Variants in LUZP2 observed in about 807,000 individuals in gnomAD.
The protein encoded by LUZP2 is leucine zipper protein 2.
In LUZP2, 52 loss-of-function variants were observed where a neutral mutation model predicts 51.6. That is an observed-to-expected ratio of 1.01 (90% CI 0.81 to 1.27). The LOEUF (loss-of-function observed/expected upper bound fraction) is 1.27, where lower values mean the gene tolerates loss of function less well. Among genes scored for constraint, LUZP2 ranks in the 50% most tolerant of loss-of-function variants. LUZP2 has a pLI of 0.00. For synonymous variants in LUZP2, 154 were observed against 137.3 expected (o/e 1.12, Z -0.85); for missense variants, 436 against 395.4 (o/e 1.10, Z -0.87).
chr11:24,765,528 T>C (rs1260852137), intron 5 of LUZP2, among the ~76,000 whole-genome samples: 2 of 152,188 alleles, frequency 1.3e-5, no homozygotes, highest in Non-Finnish European at 2.9e-5. Flanking sequence ...ATGGGTTTTG[T>C]TTTTAATTCT....
In LUZP2 at chr11:24,955,659, G is replaced by A. The variant is rs150296689; in HGVS notation, c.523-20932G>A. Among the ~76,000 whole-genome samples the A allele has an allele frequency of 9.4e-3, 1,434 of 151,980 alleles. 13 individuals carry two copies. The highest frequency in any genetic ancestry group is 0.012 in the Non-Finnish European group (823 of 67,944). On this transcript the variant is annotated intron_variant, in intron 7 of 11. Transcript: ENST00000336930. Reference sequence around the variant, plus strand: ...TCACCTCTCGTTGGCTTGTTCAGGGGGATTTGAACAAAAAACGTGGGTGCA... The same window carrying A: ...TCACCTCTCGTTGGCTTGTTCAGGGAGATTTGAACAAAAAACGTGGGTGCA...
chr11:25,041,703 G>C (rs1448638804), intron 9 of LUZP2, among the ~76,000 whole-genome samples: 1 of 152,106 alleles, frequency 6.6e-6, no homozygotes, highest in Non-Finnish European at 1.5e-5. Flanking sequence ...GGATCAAAGG[G>C]ATTTTTCTAT....
intron 4 of LUZP2, among the ~76,000 whole-genome samples, chr11:24,753,889 A>G (rs1044696101): frequency 1.3e-5 from 2 of 152,146 alleles, no homozygotes; most frequent in Non-Finnish European, 2.9e-5. Flanking sequence ...CTTTTAAAAT[A>G]TTCTGACTTT....
rs573384559 is a variant in LUZP2, at chr11:24,572,806, G to A, written c.62+75501G>A. Among the ~76,000 whole-genome samples, 5 of 152,084 alleles carry A rather than the reference G, an allele frequency of 3.3e-5. No individual in the cohort carries two copies. The South Asian group carries it at 1.0e-3, about 32-fold the overall frequency. The stretch of plus-strand genomic sequence containing the variant: ...CAATAATTTTACTTTATCTAAAGAC[G>A]AAATATTCTGTTTTCTGAAACTTGT... On this transcript the variant is annotated intron_variant, in intron 1 of 11. Coordinates refer to ENST00000336930, the MANE Select transcript of LUZP2 (RefSeq NM_001009909.4).
intron 1 of LUZP2, among the ~76,000 whole-genome samples, chr11:24,656,793 C>T (rs530745236): frequency 5.2e-4 from 79 of 152,140 alleles, no homozygotes; most frequent in Non-Finnish European, 6.2e-4. Flanking sequence ...GCTCCGAGCC[C>T]CTCTGGTCTC....
intron 5 of LUZP2, among the ~76,000 whole-genome samples, chr11:24,806,860 C>A (rs1849868624): frequency 6.6e-6 from 1 of 151,592 alleles, no homozygotes; most frequent in Non-Finnish European, 1.5e-5. Flanking sequence ...TCTCCTTTTA[C>A]CGATTTCTAT....
intron 1 of LUZP2, among the ~76,000 whole-genome samples, chr11:24,591,242 C>T (rs907543638): frequency 5.3e-5 from 8 of 152,132 alleles, no homozygotes; most frequent in Non-Finnish European, 7.4e-5. Context: ...AGGAAGATCA[C>T]ACACCAGTTG....
chr11:24,509,084 T>A (rs1850226608), intron 1 of LUZP2, among the ~76,000 whole-genome samples: 1 of 152,156 alleles, frequency 6.6e-6, no homozygotes, highest in African/African-American at 2.4e-5. Context: ...ACGCGACATG[T>A]GCGATGAGTG....
intron 7 of LUZP2, among the ~76,000 whole-genome samples, chr11:24,920,230 A>T (rs1853996581): frequency 6.6e-6 from 1 of 152,004 alleles, no homozygotes; most frequent in South Asian, 2.1e-4. Flanking sequence ...TTGTTTATTG[A>T]ATAAAAACAA....
intron 7 of LUZP2, among the ~76,000 whole-genome samples, chr11:24,973,249 C>G (rs1409644040): frequency 6.6e-6 from 1 of 150,730 alleles, no homozygotes; most frequent in Non-Finnish European, 1.5e-5. Flanking sequence ...ATAGTATTCT[C>G]TGATTTTTTT....
intron 1 of LUZP2, among the ~76,000 whole-genome samples, chr11:24,515,220 ACTGTGCCTAGCATGTGTGAGG>A (rs1335227982): frequency 6.6e-6 from 1 of 152,148 alleles, no homozygotes; most frequent in Non-Finnish European, 1.5e-5. Context: ...AAAACCGTAT[ACTGTGCCTAGCATGTGTGAGG>A]TAAGAGGAGA....
rs1168966553 is a variant in LUZP2 at position 24,984,547 on chromosome 11, T to TAA, written c.765+1255_765+1256insAA. ...TTTTATATATATATATATATATATA[T>TAA]ATAATTGTGAATTTTAAAAGCCACA... On this transcript the variant is annotated intron_variant, in intron 9 of 11. Coordinates refer to ENST00000336930, the MANE Select transcript of LUZP2 (RefSeq NM_001009909.4). Among the ~76,000 whole-genome samples, 401 of 105,894 alleles carry TAA rather than the reference T, an allele frequency of 3.8e-3. 4 individuals are homozygous for TAA. The highest frequency in any genetic ancestry group is 0.016 in the African/African-American group (379 of 24,298). 69.5% of individuals were successfully genotyped at this position (105,894 alleles called of 152,430 possible).
chr11:24,795,611 T>A (rs1362098878), intron 5 of LUZP2, among the ~76,000 whole-genome samples: 1 of 152,124 alleles, frequency 6.6e-6, no homozygotes, highest in South Asian at 2.1e-4. Flanking sequence ...CTAAACCAGA[T>A]GTAACTCCCA....
intron 1 of LUZP2, among the ~76,000 whole-genome samples, chr11:24,551,879 G>C (rs537625436): frequency 6.6e-6 from 1 of 151,690 alleles, no homozygotes; most frequent in Non-Finnish European, 1.5e-5. Flanking sequence ...TCTTAAAATA[G>C]GAATCACATA....
chr11:24,690,728 T>C (rs940994976), intron 1 of LUZP2, among the ~76,000 whole-genome samples: 6 of 152,054 alleles, frequency 3.9e-5, no homozygotes, highest in African/African-American at 1.4e-4. Flanking sequence ...GTAGTGAGAA[T>C]AGTATACTCC....
At chr11:24,745,771 G>A (rs1482204787) in intron 4 of LUZP2, among the ~76,000 whole-genome samples, 2 of 152,188 alleles carry the variant, frequency 1.3e-5, no homozygotes, top group Middle Eastern at 3.4e-3. Flanking sequence ...TCCACCTCCT[G>A]GGTTCAAGCG....
intron 4 of LUZP2, among the ~76,000 whole-genome samples, chr11:24,752,834 T>C (rs1859643402): frequency 6.6e-6 from 1 of 152,030 alleles, no homozygotes; most frequent in African/African-American, 2.4e-5. Context: ...GAAATTAAAA[T>C]GGGTTAAATT....
intron 5 of LUZP2, among the ~76,000 whole-genome samples, chr11:24,886,538 C>T (rs951733571): frequency 6.6e-6 from 1 of 152,132 alleles, no homozygotes; most frequent in African/African-American, 2.4e-5. Flanking sequence ...ATTTCCATTG[C>T]TTTACCTTTT....
intron 1 of LUZP2, among the ~76,000 whole-genome samples, chr11:24,600,893 G>A (rs370703207): frequency 2.6e-5 from 4 of 152,228 alleles, no homozygotes; most frequent in African/African-American, 9.6e-5. Flanking sequence ...AATGTCGTTG[G>A]CAGGATTTTC....
Sources: allele counts gnomAD v4.1 joint callset (sites outside exome capture counted in the v4.1 genomes callset), GRCh38; gene constraint gnomAD v4.1.1; transcripts MANE v1.5; gene names NCBI Gene and HGNC (gene_info 2026-07-23, HGNC 2026-07-21).